ETV6: variants seen among roughly 807,000 people sequenced by gnomAD.
ETV6 encodes the protein ETS variant transcription factor 6.
A neutral mutation model predicts 51.1 loss-of-function variants in ETV6; 16 were observed. The ratio of observed to expected loss-of-function variants is 0.31; its 90% CI spans 0.21 to 0.48. ETV6 has a LOEUF of 0.48. ETV6 is among the 20% of genes least tolerant of loss of function. ETV6 has a pLI of 0.99. For synonymous variants in ETV6, 240 were observed against 224.1 expected (o/e 1.07, Z -0.64); for missense variants, 458 against 594.8 (o/e 0.77, Z 2.39).
chr12:11,748,163 T>C (rs1202277561), intron 1 of ETV6, among the ~76,000 whole-genome samples: 6 of 152,206 alleles, frequency 3.9e-5, no homozygotes, highest in African/African-American at 9.7e-5. Flanking sequence ...CGAAGTGCAA[T>C]GGGATGAAAG....
chr12:11,808,473 T>TA (rs1176104154), intron 2 of ETV6, among the ~76,000 whole-genome samples: 2 of 147,284 alleles, frequency 1.4e-5, no homozygotes, highest in East Asian at 2.0e-4. Flanking sequence ...AATGCAACAA[T>TA]AAAAAAATAC....
chr12:11,865,125 C>A (rs1368809935), intron 4 of ETV6, among the ~76,000 whole-genome samples: 2 of 151,970 alleles, frequency 1.3e-5, no homozygotes, highest in Non-Finnish European at 2.9e-5. Flanking sequence ...GTGGCGGGCA[C>A]CTGTAGTCCC....
chr12:11,865,392 T>C (rs995010862), intron 4 of ETV6, among the ~76,000 whole-genome samples: 8 of 151,848 alleles, frequency 5.3e-5, no homozygotes, highest in Admixed American at 3.9e-4. Context: ...TTGCCAACCA[T>C]CTCATAAATG....
At chr12:11,710,177 C>T (rs753285866) in intron 1 of ETV6, among the ~76,000 whole-genome samples, 4 of 152,102 alleles carry the variant, frequency 2.6e-5, no homozygotes, top group Non-Finnish European at 4.4e-5. Context: ...TTTTGGAGAA[C>T]TCTTTTCTCC....
intron 5 of ETV6, among the ~76,000 whole-genome samples, chr12:11,872,089 C>T (rs1374340751): frequency 6.6e-6 from 1 of 152,132 alleles, no homozygotes; most frequent in African/African-American, 2.4e-5. Flanking sequence ...TTTGCAGATA[C>T]CTTTTGCTTG....
At chr12:11,739,120 C>T (rs1409385919) in intron 1 of ETV6, among the ~76,000 whole-genome samples, 4 of 152,156 alleles carry the variant, frequency 2.6e-5, no homozygotes, top group Admixed American at 6.5e-5. Flanking sequence ...GGAGCCTAAA[C>T]TCCACTGTCT....
intron 2 of ETV6, among the ~76,000 whole-genome samples, chr12:11,817,389 T>C (rs1287504819): frequency 6.6e-6 from 1 of 152,064 alleles, no homozygotes; most frequent in African/African-American, 2.4e-5. Flanking sequence ...GCTCAAGAAA[T>C]AGGAGTTAAT....
intron 1 of ETV6, among the ~76,000 whole-genome samples, chr12:11,685,816 C>T (rs1442033339): frequency 6.6e-6 from 1 of 152,154 alleles, no homozygotes; most frequent in African/African-American, 2.4e-5. Flanking sequence ...CCTTTTTCTT[C>T]TCAGCCATTA....
chr12:11,794,862 G>A (rs538815365), intron 2 of ETV6, among the ~76,000 whole-genome samples: 2 of 152,324 alleles, frequency 1.3e-5, no homozygotes, highest in Non-Finnish European at 2.9e-5. Context: ...TTCTCATTTG[G>A]TGGTAAATAC....
At chr12:11,875,326 TTTTGAATCCAGCAGCC>T (rs1946966689) in intron 5 of ETV6, among the ~76,000 whole-genome samples, 1 of 152,222 alleles carries the variant, frequency 6.6e-6, no homozygotes, top group Non-Finnish European at 1.5e-5. Context: ...TGGGGTCTTA[TTTTGAATCCAGCAGCC>T]AACGCTGTAT....
Position 11,885,909 on chromosome 12 carries a change from C to G in ETV6, c.1153-17C>G, listed in dbSNP as rs1212086544. The G allele has an allele frequency of 1.9e-6, 3 of 1,588,718 alleles. No homozygotes were observed. The highest frequency in any genetic ancestry group is 2.6e-6 in the Non-Finnish European group (3 of 1,160,484). ...GTCTTTGTGCTTTTTTTCTCCCTTCCTCCTTTGAACAAACAGAACAGAACA... is the reference window on the plus strand; with the variant it reads ...GTCTTTGTGCTTTTTTTCTCCCTTCGTCCTTTGAACAAACAGAACAGAACA... On this transcript the variant is annotated splice_polypyrimidine_tract_variant and intron_variant, in intron 6 of 7. Transcript: ENST00000396373.
chr12:11,851,894 C>T (rs1412968774), intron 3 of ETV6, among the ~76,000 whole-genome samples: 1 of 152,132 alleles, frequency 6.6e-6, no homozygotes, highest in African/African-American at 2.4e-5. Flanking sequence ...TAATATGGAA[C>T]GTTTCTCAGG....
chr12:11,744,952 A>G (rs1865880619), intron 1 of ETV6, among the ~76,000 whole-genome samples: 2 of 152,132 alleles, frequency 1.3e-5, no homozygotes, highest in African/African-American at 2.4e-5. Context: ...CAAGAATGGA[A>G]AGTATCTTAA....
intron 6 of ETV6, 75 bp downstream of exon 6, chr12:11,884,662 C>A: frequency 6.4e-7 from 1 of 1,566,536 alleles, no homozygotes; most frequent in Non-Finnish European, 8.7e-7. Context: ...GGAGGATAAT[C>A]GTCTGTCTTC....
intron 3 of ETV6, among the ~76,000 whole-genome samples, chr12:11,848,434 G>T (rs1322132738): frequency 1.3e-5 from 2 of 152,112 alleles, no homozygotes; most frequent in African/African-American, 4.8e-5. Flanking sequence ...CATGTTCTTG[G>T]TCCTCAGACA....
chr12:11,842,856 C>G (rs1946410776), intron 3 of ETV6, among the ~76,000 whole-genome samples: 1 of 152,152 alleles, frequency 6.6e-6, no homozygotes, highest in African/African-American at 2.4e-5. Context: ...TACTCAGGCA[C>G]AAAGTGGCTA....
intron 2 of ETV6, among the ~76,000 whole-genome samples, chr12:11,789,681 G>C (rs1264502380): frequency 2.0e-5 from 3 of 152,086 alleles, no homozygotes; most frequent in Non-Finnish European, 4.4e-5. Context: ...ATACTTGATA[G>C]ATTATTTGTC....
chr12:11,724,796 G>A (rs557048122), intron 1 of ETV6, among the ~76,000 whole-genome samples: 2 of 152,302 alleles, frequency 1.3e-5, no homozygotes, highest in South Asian at 4.1e-4. Flanking sequence ...CTGGCTGTGA[G>A]GTCCTTGCAC....
chr12:11,826,752 G>A (rs1409857348), intron 2 of ETV6, among the ~76,000 whole-genome samples: 3 of 152,138 alleles, frequency 2.0e-5, no homozygotes, highest in African/African-American at 4.8e-5. Flanking sequence ...GCAAGGGAGG[G>A]CCTCCCAGTA....
Sources: allele counts gnomAD v4.1 joint callset (sites outside exome capture counted in the v4.1 genomes callset), GRCh38; gene constraint gnomAD v4.1.1; transcripts MANE v1.5; gene names NCBI Gene and HGNC (gene_info 2026-07-23, HGNC 2026-07-21).